The following SORCS1 variants were observed in gnomAD, a reference collection of about 807,000 sequenced individuals.
The protein encoded by SORCS1 is VPS10 domain-containing receptor SorCS1.
In SORCS1, 60 loss-of-function variants were observed where a neutral mutation model predicts 146.1. That is an observed-to-expected ratio of 0.41 (90% CI 0.33 to 0.51). The LOEUF (loss-of-function observed/expected upper bound fraction) is 0.51, where lower values mean the gene tolerates loss of function less well. Ranked by LOEUF, SORCS1 falls within the 20% of genes least tolerant of loss-of-function variation. SORCS1 has a pLI of 0.21. For synonymous variants in SORCS1, 637 were observed against 584.0 expected (o/e 1.09, Z -1.31); for missense variants, 1,352 against 1,487.6 (o/e 0.91, Z 1.50).
At chr10:107,146,220 A>T (rs1968309666) in intron 1 of SORCS1, among the ~76,000 whole-genome samples, 1 of 152,208 alleles carries the variant, frequency 6.6e-6, no homozygotes, top group African/African-American at 2.4e-5. Context: ...ACACAAATAC[A>T]ACTCACCAAT....
chr10:106,917,155 T>C (rs1290676219), intron 2 of SORCS1, among the ~76,000 whole-genome samples: 1 of 152,198 alleles, frequency 6.6e-6, no homozygotes, highest in African/African-American at 2.4e-5. Context: ...CTAACAAAAC[T>C]CCTGTATAAT....
chr10:106,921,437 TA>T (rs1258392594), intron 2 of SORCS1, among the ~76,000 whole-genome samples: 1 of 152,224 alleles, frequency 6.6e-6, no homozygotes, highest in Non-Finnish European at 1.5e-5. Flanking sequence ...TTCATCTAGA[TA>T]TATCAGACTT....
At chr10:106,833,457 AT>A (rs1948651766) in intron 2 of SORCS1, among the ~76,000 whole-genome samples, 1 of 152,220 alleles carries the variant, frequency 6.6e-6, no homozygotes, top group Non-Finnish European at 1.5e-5. Flanking sequence ...GCCGGCGTAC[AT>A]TGGTATGGTG....
chr10:106,734,681 T>C lies in SORCS1; in HGVS notation c.960-4567A>G, dbSNP rs1435154673. 2.6e-5 allele frequency among the ~76,000 whole-genome samples: 4 copies of C among 152,334 alleles called. No individual in the cohort carries two copies. In the East Asian group the frequency reaches 7.7e-4, roughly 29 times the overall value. ...CATCTCTGTGCCGTCACTTTTTTAG[T>C]CTTTAAAATAAGTTAACATAATTTT... is the stretch of plus-strand genomic sequence containing the variant. On this transcript the variant is annotated intron_variant, in intron 5 of 25. Transcript: ENST00000263054.
chr10:106,624,395 C>T (rs748655944), intron 19 of SORCS1, among the ~76,000 whole-genome samples: 2 of 138,278 alleles, frequency 1.4e-5, no homozygotes, highest in Non-Finnish European at 3.0e-5. Flanking sequence ...GAGTTTCGCT[C>T]TGTCACCCAG....
intron 1 of SORCS1, 23 bp downstream of exon 1, chr10:107,163,946 A>G (rs2993097): frequency 0.3 from 471,581 of 1,596,906 alleles, 71,756 homozygotes; most frequent in African/African-American, 0.39. Flanking sequence ...CCACCCCTTT[A>G]CCCTCAGTCC....
chr10:106,755,266 T>C (rs566305629), intron 5 of SORCS1, among the ~76,000 whole-genome samples: 113 of 152,342 alleles, frequency 7.4e-4, no homozygotes, highest in Non-Finnish European at 1.4e-3. Flanking sequence ...TCCTGTCTTT[T>C]ATTGGAGGAT....
chr10:106,776,745 T>A, intron 3 of SORCS1, 53 bp from the exon 4 acceptor site: 1 of 1,576,996 alleles, frequency 6.3e-7, no homozygotes, highest in Non-Finnish European at 8.6e-7. Context: ...AGTTTACAAA[T>A]TTGCAAAACT....
chr10:106,584,169 T>TG (rs937358658), intron 24 of SORCS1, among the ~76,000 whole-genome samples: 2 of 152,208 alleles, frequency 1.3e-5, no homozygotes, highest in African/African-American at 4.8e-5. Context: ...TACAGTGATA[T>TG]GGGAATAGCA....
intron 2 of SORCS1, among the ~76,000 whole-genome samples, chr10:106,909,328 C>T (rs933245213): frequency 7.2e-5 from 11 of 152,118 alleles, no homozygotes; most frequent in Non-Finnish European, 1.6e-4. Context: ...TCACAAGTCA[C>T]CATCTTTTCC....
chr10:107,151,515 G>A (rs1968793980), intron 1 of SORCS1, among the ~76,000 whole-genome samples: 1 of 152,110 alleles, frequency 6.6e-6, no homozygotes, highest in Non-Finnish European at 1.5e-5. Flanking sequence ...TGAGGAAGAA[G>A]CAAAAGTGGA....
At chr10:106,693,743 G>A (rs776764919) in intron 9 of SORCS1, among the ~76,000 whole-genome samples, 2 of 152,020 alleles carry the variant, frequency 1.3e-5, no homozygotes, top group Non-Finnish European at 2.9e-5. Flanking sequence ...TGTTCTTATG[G>A]GAATCAGTCT....
intron 2 of SORCS1, among the ~76,000 whole-genome samples, chr10:106,921,022 G>A (rs1242788085): frequency 2.0e-5 from 3 of 152,052 alleles, no homozygotes; most frequent in Non-Finnish European, 2.9e-5. Context: ...AAGGCACCAC[G>A]GCAAGAACAT....
At chr10:106,875,123 T>C (rs989322013) in intron 2 of SORCS1, among the ~76,000 whole-genome samples, 3 of 152,138 alleles carry the variant, frequency 2.0e-5, no homozygotes, top group African/African-American at 7.2e-5. Context: ...TCCACTCTCC[T>C]CCTCCTGAGT....
intron 1 of SORCS1, among the ~76,000 whole-genome samples, chr10:107,038,678 C>T (rs1269966612): frequency 9.3e-6 from 1 of 107,676 alleles, no homozygotes; most frequent in African/African-American, 4.2e-5. Context: ...CTGCCCACCC[C>T]CAACCCTGGG....
chr10:106,840,380 A>C (rs1235096414), intron 2 of SORCS1, among the ~76,000 whole-genome samples: 1 of 152,214 alleles, frequency 6.6e-6, no homozygotes, highest in Non-Finnish European at 1.5e-5. Flanking sequence ...TAACAAAAGA[A>C]TTAGAAGTGG....
intron 1 of SORCS1, among the ~76,000 whole-genome samples, chr10:107,084,513 A>G (rs1373988228): frequency 6.6e-6 from 1 of 152,130 alleles, no homozygotes; most frequent in Non-Finnish European, 1.5e-5. Flanking sequence ...GTGTATGTAT[A>G]TGTATGGGAA....
chr10:107,121,066 C>T (rs1017659854), intron 1 of SORCS1, among the ~76,000 whole-genome samples: 9 of 152,144 alleles, frequency 5.9e-5, no homozygotes, highest in African/African-American at 1.7e-4. Flanking sequence ...TCACAGGTGT[C>T]TTTGGAGCCG....
intron 2 of SORCS1, among the ~76,000 whole-genome samples, chr10:106,936,220 T>C (rs934650290): frequency 2.0e-5 from 3 of 152,220 alleles, no homozygotes. Flanking sequence ...GTCTTTTTCC[T>C]TCCTGTTTCC....
Sources: gnomAD v4.1 joint callset for allele counts (sites outside exome capture counted in the v4.1 genomes callset) on GRCh38, gnomAD v4.1.1 for gene constraint, MANE v1.5 for transcripts, NCBI Gene and HGNC (gene_info 2026-07-23, HGNC 2026-07-21) for gene names.